Variants in GPHN observed in about 807,000 individuals in gnomAD.
GPHN encodes gephyrin.
Under a neutral mutation model 95.5 loss-of-function variants are expected in GPHN, and 17 were observed. The observed-to-expected ratio is 0.18, with a 90% CI of 0.12 to 0.27. GPHN has a LOEUF of 0.27. Among genes scored for constraint, GPHN ranks in the 10% least tolerant of loss-of-function variants. The pLI is 1.00. For synonymous variants in GPHN, 320 were observed against 322.5 expected (o/e 0.99, Z 0.08); for missense variants, 660 against 978.1 (o/e 0.67, Z 4.34).
chr14:67,393,235 A>G, the GPHN span: 1 of 1,612,498 alleles, frequency 6.2e-7, no homozygotes, highest in Non-Finnish European at 8.5e-7. Context: ...TCTTGTCCAC[A>G]ATGCGACTAC....
At chr14:67,480,374 C>T in the GPHN span, among the ~76,000 whole-genome samples, 6 of 152,158 alleles carry the variant, frequency 3.9e-5, no homozygotes, top group African/African-American at 1.4e-4. Context: ...CCACAGACAT[C>T]CCGGGAGACT....
the GPHN span, among the ~76,000 whole-genome samples, chr14:67,284,351 A>T: frequency 6.7e-6 from 1 of 148,972 alleles, no homozygotes; most frequent in Non-Finnish European, 1.5e-5. Flanking sequence ...TATTAGTAGC[A>T]CCTTTGGAGG....
intron 3 of GPHN, among the ~76,000 whole-genome samples, chr14:66,814,675 A>C (rs1158163565): frequency 6.6e-6 from 1 of 152,232 alleles, no homozygotes; most frequent in Non-Finnish European, 1.5e-5. Context: ...CAGCAACCTC[A>C]AAGATTGAAG....
rs1400281401 is a variant in GPHN, at chr14:66,683,351, T to TTC, written c.143+2166_143+2167insTC. 1.6e-4 allele frequency among the ~76,000 whole-genome samples: 14 copies of TTC among 90,074 alleles called. 1 individual carries two copies. Among genetic ancestry groups the TTC allele is most frequent in the African/African-American group, 9.6e-4 (14 of 14,574 alleles). 59.1% of individuals were successfully genotyped at this position (90,074 alleles called of 152,430 possible). A position where few individuals can be genotyped will look rare whatever the true frequency, so the allele number is the denominator to read the frequency against. ...GGAAATATATATATATATATATATA[T>TTC]ATATATATATATATATATATATATA... On this transcript the variant is annotated intron_variant, in intron 2 of 22. Coordinates refer to ENST00000478722, the MANE Select transcript of GPHN (RefSeq NM_020806.5).
the GPHN span, among the ~76,000 whole-genome samples, chr14:67,423,571 T>C: frequency 6.6e-6 from 1 of 152,012 alleles, no homozygotes; most frequent in Non-Finnish European, 1.5e-5. Flanking sequence ...ATCAGGGTGC[T>C]CATAGCATAG....
chr14:66,530,916 A>G (rs564019193), intron 1 of GPHN, among the ~76,000 whole-genome samples: 1 of 151,354 alleles, frequency 6.6e-6, no homozygotes, highest in Non-Finnish European at 1.5e-5. Context: ...CCATCTTGCC[A>G]GCAACTCAGC....
the GPHN span, among the ~76,000 whole-genome samples, chr14:67,428,922 A>G: frequency 2.6e-5 from 4 of 152,218 alleles, no homozygotes; most frequent in Non-Finnish European, 4.4e-5. Flanking sequence ...CTCTGTAAGC[A>G]GTCAGCCACC....
chr14:66,949,407 T>C (rs928092516), intron 8 of GPHN, among the ~76,000 whole-genome samples: 2 of 152,160 alleles, frequency 1.3e-5, no homozygotes, highest in Non-Finnish European at 2.9e-5. Context: ...CTGTAATCAA[T>C]CATTATTGTT....
chr14:67,448,628 G>A, the GPHN span, among the ~76,000 whole-genome samples: 1 of 152,056 alleles, frequency 6.6e-6, no homozygotes, highest in Non-Finnish European at 1.5e-5. Context: ...AGCCTGGAGG[G>A]ATGGTGGGGG....
At chr14:67,647,185 C>G in the GPHN span, 6 of 539,754 alleles carry the variant, frequency 1.1e-5, no homozygotes, top group East Asian at 1.5e-4. Context: ...AGGTCATATT[C>G]TTCCTCTGGG....
At chr14:67,307,842 C>T in the GPHN span, among the ~76,000 whole-genome samples, 1 of 151,754 alleles carries the variant, frequency 6.6e-6, no homozygotes, top group African/African-American at 2.4e-5. Context: ...AAATGCCCAT[C>T]GATGATAGAT....
At chr14:67,089,732 G>A (rs1157739020) in intron 12 of GPHN, among the ~76,000 whole-genome samples, 1 of 152,044 alleles carries the variant, frequency 6.6e-6, no homozygotes, top group Admixed American at 6.6e-5. Context: ...CGGACATGAG[G>A]GAAACCTCTA....
chr14:67,276,591 C>G, the GPHN span, among the ~76,000 whole-genome samples: 4 of 152,166 alleles, frequency 2.6e-5, no homozygotes, highest in African/African-American at 7.2e-5. Flanking sequence ...AAAAGTAAGA[C>G]ATGACCCCTG....
chr14:66,943,041 T>C (rs2067521548), intron 8 of GPHN, among the ~76,000 whole-genome samples: 2 of 152,230 alleles, frequency 1.3e-5, no homozygotes, highest in Admixed American at 1.3e-4. Context: ...TGCTTTCATT[T>C]CAATGCTCAG....
intron 1 of GPHN, among the ~76,000 whole-genome samples, chr14:66,675,281 A>C (rs1210659356): frequency 6.6e-6 from 1 of 151,184 alleles, no homozygotes; most frequent in African/African-American, 2.4e-5. Flanking sequence ...GTAGCTGGGG[A>C]CTATAGGCAC....
the GPHN span, among the ~76,000 whole-genome samples, chr14:67,667,220 C>G: frequency 6.6e-6 from 1 of 152,220 alleles, no homozygotes; most frequent in African/African-American, 2.4e-5. Flanking sequence ...GGCAGCCTCT[C>G]TTCCTTATGG....
chr14:67,672,389 G>T, the GPHN span, among the ~76,000 whole-genome samples: 2 of 149,934 alleles, frequency 1.3e-5, no homozygotes, highest in African/African-American at 4.9e-5. Flanking sequence ...CAAGTGCTGG[G>T]ATTACAGGTG....
At chr14:66,653,818 A>G (rs1217131505) in intron 1 of GPHN, among the ~76,000 whole-genome samples, 2 of 152,198 alleles carry the variant, frequency 1.3e-5, no homozygotes, top group Non-Finnish European at 2.9e-5. Flanking sequence ...ACAGTCTAAC[A>G]TTCACTGATT....
At chr14:67,006,816 T>G (rs1225924268) in intron 9 of GPHN, among the ~76,000 whole-genome samples, 1 of 152,138 alleles carries the variant, frequency 6.6e-6, no homozygotes, top group African/African-American at 2.4e-5. Context: ...TGAAAGAGAT[T>G]ATATGAGGAA....
Sources: allele counts gnomAD v4.1 joint callset (sites outside exome capture counted in the v4.1 genomes callset), GRCh38; gene constraint gnomAD v4.1.1; transcripts MANE v1.5; gene names NCBI Gene and HGNC (gene_info 2026-07-23, HGNC 2026-07-21).